DNAH5: variants seen among roughly 807,000 people sequenced by gnomAD.
DNAH5 encodes axonemal beta dynein heavy chain 5.
A neutral mutation model predicts 518.2 loss-of-function variants in DNAH5; 372 were observed. That is an observed-to-expected ratio of 0.72 (90% CI 0.66 to 0.78). The LOEUF is 0.78. DNAH5 is among the 30% of genes least tolerant of loss of function. The pLI, the probability that DNAH5 is intolerant of heterozygous loss-of-function variation, is 0.00. For missense variants in DNAH5, 5,523 were observed against 5,687.0 expected, an observed-to-expected ratio of 0.97 and a Z score of 0.93; for synonymous variants, 2,039 against 2,025.9, an observed-to-expected ratio of 1.01 and a Z score of -0.17.
chr5:14,000,351 C>T (rs1358400630), intron 1 of DNAH5, among the ~76,000 whole-genome samples: 1 of 152,220 alleles, frequency 6.6e-6, no homozygotes, highest in Non-Finnish European at 1.5e-5. Flanking sequence ...GGAGTGAGCA[C>T]GGCCCTTGCC....
chr5:13,753,280 G>T lies in DNAH5; in HGVS notation c.10825C>A (p.Gln3609Lys). The T allele has an allele frequency of 6.2e-7, 1 of 1,613,928 alleles. No homozygotes were observed. The highest frequency in any genetic ancestry group is 1.1e-5 in the South Asian group (1 of 91,068). Residue 3609 changes from glutamine (Q) to lysine (K), a missense_variant, in exon 63 of 79, where the codon CAA becomes AAA. This residue lies in a region of DNAH5 where 5,121 missense variants were observed against 5,223.3 expected (regional missense o/e 0.98). Coordinates refer to ENST00000265104, the MANE Select transcript of DNAH5 (RefSeq NM_001369.3). ...RYPLLIDPQT[Q>K]GKIWIKNKES... ...TTATTTTTAATCCAGATCTTGCCTTGAGTCTGTGGATCAATTAACAAAGGG... is the reference window on the plus strand; with the variant it reads ...TTATTTTTAATCCAGATCTTGCCTTTAGTCTGTGGATCAATTAACAAAGGG...
At chr5:13,892,592 G>T (rs940854783) in intron 16 of DNAH5, among the ~76,000 whole-genome samples, 1 of 152,140 alleles carries the variant, frequency 6.6e-6, no homozygotes, top group Admixed American at 6.5e-5. Context: ...ACAAGAACAA[G>T]AAGTTTCTCT....
intron 48 of DNAH5, 43 bp downstream of exon 48, chr5:13,793,893 A>G (rs1374149924): frequency 1.9e-6 from 3 of 1,609,114 alleles, no homozygotes; most frequent in Non-Finnish European, 2.5e-6. Flanking sequence ...GAATAAATCA[A>G]TACCAAATTA....
intron 70 of DNAH5, among the ~76,000 whole-genome samples, chr5:13,724,437 C>T (rs78857942): frequency 0.039 from 5,952 of 152,238 alleles, 399 homozygotes; most frequent in African/African-American, 0.14. Context: ...TACAGGCTCA[C>T]AGGTGGGAGG....
At chr5:13,985,290 A>AG (rs1782961833) in intron 1 of DNAH5, among the ~76,000 whole-genome samples, 1 of 100,638 alleles carries the variant, frequency 9.9e-6, no homozygotes, top group Non-Finnish European at 2.0e-5. Context: ...GGGTGGGGGG[A>AG]GGGGGGAGTG....
intron 1 of DNAH5, among the ~76,000 whole-genome samples, chr5:13,977,995 T>C (rs1259148133): frequency 6.6e-6 from 1 of 152,180 alleles, no homozygotes; most frequent in East Asian, 1.9e-4. Flanking sequence ...AAAGGCTGTG[T>C]ATATAAGCTC....
chr5:13,837,012 G>C (rs1461918184), intron 35 of DNAH5, among the ~76,000 whole-genome samples: 1 of 152,172 alleles, frequency 6.6e-6, no homozygotes, highest in African/African-American at 2.4e-5. Context: ...TAAGACAATG[G>C]GGACCTGGGT....
intron 70 of DNAH5, 120 bp downstream of exon 70, chr5:13,727,387 A>G (rs1745892063): frequency 1.1e-6 from 1 of 951,020 alleles, no homozygotes; most frequent in Admixed American, 2.7e-5. Context: ...CTAGAAAATC[A>G]CACAGAGGCC....
chr5:13,927,454 A>G (rs1778004653), intron 3 of DNAH5, among the ~76,000 whole-genome samples: 1 of 152,134 alleles, frequency 6.6e-6, no homozygotes, highest in South Asian at 2.1e-4. Context: ...GGTTGCGGGG[A>G]GCCAAGATTG....
At chr5:13,984,322 C>G (rs1330858059) in intron 1 of DNAH5, among the ~76,000 whole-genome samples, 1 of 152,178 alleles carries the variant, frequency 6.6e-6, no homozygotes, top group Non-Finnish European at 1.5e-5. Context: ...TAATTTGGCT[C>G]TCTGTCTGTC....
rs572385026 is a variant in DNAH5, at chr5:13,987,450, A to G, written c.12+24198T>C. The stretch of plus-strand genomic sequence containing the variant: ...TTACGGTGACAGCTACTTTAGCCAC[A>G]TAACACTAATCAACTGCTCACACCA... On this transcript the variant is annotated intron_variant, in intron 1 of 78. Coordinates refer to the DNAH5 transcript ENST00000681290. Among the ~76,000 whole-genome samples the G allele has an allele frequency of 9.2e-5, 14 of 152,280 alleles. No homozygotes were observed. The East Asian group carries it at 2.7e-3, about 29-fold the overall frequency.
rs777221759 is a variant in DNAH5, at chr5:13,871,788, T to G, written c.3397-23A>C. 1.0e-5 allele frequency: 16 copies of G among 1,601,048 alleles called. No individual in the cohort carries two copies. The East Asian group carries it at 3.6e-4, about 36-fold the overall frequency. The stretch of plus-strand genomic sequence containing the variant: ...TTCCTGAATGCAAATAACAGATTTA[T>G]GTTAAGAAGGAAGAATCTGAAAGGC... On this transcript the variant is annotated intron_variant, in intron 22 of 78. Coordinates refer to ENST00000265104, the MANE Select transcript of DNAH5 (RefSeq NM_001369.3).
At chr5:13,728,478 A>T (rs1746056223) in intron 69 of DNAH5, among the ~76,000 whole-genome samples, 1 of 152,214 alleles carries the variant, frequency 6.6e-6, no homozygotes. Context: ...ATCTTGAAAG[A>T]CTACTTAATA....
intron 1 of DNAH5, among the ~76,000 whole-genome samples, chr5:14,002,307 G>A (rs1206942494): frequency 6.6e-6 from 1 of 152,146 alleles, no homozygotes; most frequent in African/African-American, 2.4e-5. Context: ...TTTCATGGGT[G>A]CACATCTGAA....
chr5:13,950,570 C>A (rs563647944), intron 1 of DNAH5, among the ~76,000 whole-genome samples: 3 of 152,334 alleles, frequency 2.0e-5, no homozygotes, highest in Admixed American at 2.0e-4. Context: ...GCCACCACAC[C>A]CAGCCGTATT....
intron 68 of DNAH5, among the ~76,000 whole-genome samples, chr5:13,733,785 C>A (rs1388646181): frequency 6.6e-6 from 1 of 152,058 alleles, no homozygotes; most frequent in Admixed American, 6.6e-5. Context: ...ATAACCCCCA[C>A]CAGGGCACAG....
chr5:13,968,733 TTTTTGCATCTATGTTAA>T (rs1781690722), intron 1 of DNAH5, among the ~76,000 whole-genome samples: 1 of 152,198 alleles, frequency 6.6e-6, no homozygotes, highest in African/African-American at 2.4e-5. Context: ...TTGTTACAGA[TTTTTGCATCTATGTTAA>T]TTAGGGATAT....
Position 13,900,299 on chromosome 5 carries a change from C to T in DNAH5, c.2166G>A (p.Glu722=). Residue 722 remains glutamate (E), a synonymous_variant, in exon 15 of 79, where the codon GAG becomes GAA. Transcript: ENST00000265104. ...PQILILFRET[E]CMAQMGLEVS... ...CTTCCAGACCCATCTGGGCCATGCACTCTGTTTCTCTAAATAAGATTAATA... is the reference window on the plus strand; with the variant it reads ...CTTCCAGACCCATCTGGGCCATGCATTCTGTTTCTCTAAATAAGATTAATA... 1 of 1,614,138 alleles carries T rather than the reference C, an allele frequency of 6.2e-7. No homozygotes were observed. The highest frequency in any genetic ancestry group is 1.3e-5 in the African/African-American group (1 of 75,046).
intron 76 of DNAH5, among the ~76,000 whole-genome samples, chr5:13,705,057 C>A (rs1742599069): frequency 6.6e-6 from 1 of 151,618 alleles, no homozygotes. Context: ...AGTGGTGCGA[C>A]CTTGGCTCAC....
Sources: allele counts gnomAD v4.1 joint callset (sites outside exome capture counted in the v4.1 genomes callset), GRCh38; gene constraint gnomAD v4.1.1; regional missense constraint gnomAD v4.1.1; transcripts MANE v1.5; gene names NCBI Gene and HGNC (gene_info 2026-07-23, HGNC 2026-07-21).